PCDHGA1: variants seen among roughly 807,000 people sequenced by gnomAD.
PCDHGA1 encodes protocadherin gamma subfamily A, 1.
Under a neutral mutation model 58.0 loss-of-function variants are expected in PCDHGA1, and 32 were observed. The observed-to-expected ratio is 0.55, with a 90% CI of 0.42 to 0.74. PCDHGA1 has a LOEUF of 0.74. Ranked by LOEUF, PCDHGA1 falls within the 30% of genes least tolerant of loss-of-function variation. The probability of loss-of-function intolerance (pLI) is 0.00; values close to 1 mark genes in which losing one functional copy is unlikely to be tolerated. For synonymous variants in PCDHGA1, 498 were observed against 501.1 expected (o/e 0.99, Z 0.08); for missense variants, 1,205 against 1,182.3 (o/e 1.02, Z -0.28).
intron 1 of PCDHGA1, chr5:141,376,429 G>A (rs1213536945): frequency 1.9e-5 from 31 of 1,614,088 alleles, no homozygotes; most frequent in Non-Finnish European, 2.5e-5. Context: ...TTATCAACCA[G>A]GAGAGCTATG....
At position 141,340,229 on chromosome 5, in the gene PCDHGA1, A is replaced by G. The variant is rs139578724; in HGVS notation, c.2421+7124A>G. Reference sequence around the variant, plus strand: ...CAGGGAACAGTTTTCCTTTTACAACATCACTCTAACCGCTAAAGATGGAGG... The same window carrying G: ...CAGGGAACAGTTTTCCTTTTACAACGTCACTCTAACCGCTAAAGATGGAGG... On this transcript the variant is annotated intron_variant, in intron 1 of 3. Coordinates refer to ENST00000517417, the MANE Select transcript of PCDHGA1 (RefSeq NM_018912.3). The G allele has an allele frequency of 1.2e-4, 195 of 1,614,162 alleles. No homozygotes were observed. The African/African-American group carries it at 2.3e-3, about 19-fold the overall frequency.
In PCDHGA1 at chr5:141,490,679, A is replaced by C; in HGVS notation, c.2422-4128A>C. On this transcript the variant is annotated intron_variant, in intron 1 of 3. Coordinates refer to ENST00000517417, the MANE Select transcript of PCDHGA1 (RefSeq NM_018912.3). The surrounding 1 kb of genome is among the most constrained non-coding windows in gnomAD (Gnocchi z 5.4). ...CTTCTTTGCACTGTGGCTGCCTCAG[A>C]TCCAGACACTGGGGATAATGCCCGC... 6.2e-7 allele frequency: 1 copy of C among 1,614,164 alleles called. No individual in the cohort carries two copies. The highest frequency in any genetic ancestry group is 8.5e-7 in the Non-Finnish European group (1 of 1,180,034).
chr5:141,404,826 A>C lies in PCDHGA1; in HGVS notation c.2421+71721A>C, dbSNP rs771996319. 2.5e-6 allele frequency: 4 copies of C among 1,613,710 alleles called. No individual in the cohort carries two copies. In the South Asian group the frequency reaches 3.3e-5, roughly 13 times the overall value. The stretch of plus-strand genomic sequence containing the variant: ...TTCTCGGTGGGGCTGCACACAGGTG[A>C]AGTGCGCACAGCTCGGGCCCTGCTA... On this transcript the variant is annotated intron_variant, in intron 1 of 3. Transcript: ENST00000517417.
chr5:141,366,112 G>C (rs747040892), intron 1 of PCDHGA1: 1 of 1,614,110 alleles, frequency 6.2e-7, no homozygotes, highest in Non-Finnish European at 8.5e-7. Context: ...TGGTAGCGGT[G>C]GACAAAGATT....
chr5:141,346,662 A>G (rs1757790010), intron 1 of PCDHGA1: 3 of 736,898 alleles, frequency 4.1e-6, no homozygotes, highest in Non-Finnish European at 6.6e-6. Context: ...GGGAAAAAAT[A>G]ATACATCGTG....
At chr5:141,452,781 A>G (rs575869415) in intron 1 of PCDHGA1, among the ~76,000 whole-genome samples, 10 of 152,302 alleles carry the variant, frequency 6.6e-5, no homozygotes, top group African/African-American at 2.4e-4. Flanking sequence ...CTGAGAAAGT[A>G]ACATACCATC....
At position 141,331,228 on chromosome 5, in the gene PCDHGA1, G is replaced by A. The variant is rs1588437305; in HGVS notation, c.544G>A (p.Val182Met). The change falls in exon 1 of 4, where the codon GTG becomes ATG. Residue 182 changes from valine to methionine, a missense_variant. By Grantham distance (21) the Val-to-Met change is conservative. Transcript: ENST00000517417. The stretch of plus-strand genomic sequence containing the variant: ...CTCTAACCCTCATTTCTCCCTGGAT[G>A]TGCAACAGGGAGCCGATGGGCCTCA... ...LSSNPHFSLD[V>M]QQGADGPQHP... is the part of the protein sequence containing the mutation. The A allele has an allele frequency of 1.2e-6, 2 of 1,614,118 alleles. No homozygotes were observed. Among genetic ancestry groups the A allele is most frequent in the South Asian group, 1.1e-5 (1 of 91,074 alleles).
At chr5:141,347,424 C>T (rs1015166008) in intron 1 of PCDHGA1, among the ~76,000 whole-genome samples, 5 of 151,938 alleles carry the variant, frequency 3.3e-5, no homozygotes, top group Non-Finnish European at 7.4e-5. Flanking sequence ...CAAAGTACTG[C>T]GATTAGAGGC....
chr5:141,481,427 T>C lies in PCDHGA1; in HGVS notation c.2422-13380T>C, dbSNP rs79272909. Reference sequence around the variant, plus strand: ...TTGTATAATTAGATTGTGATGATGATTGTATCAGTTTAGTACATGTAAATA... The same window carrying C: ...TTGTATAATTAGATTGTGATGATGACTGTATCAGTTTAGTACATGTAAATA... On this transcript the variant is annotated intron_variant, in intron 1 of 3. Transcript: ENST00000517417. Among the ~76,000 whole-genome samples the C allele has an allele frequency of 6.0e-3, 907 of 152,334 alleles. 5 individuals are homozygous for C. Among genetic ancestry groups the C allele is most frequent in the African/African-American group, 0.02 (840 of 41,578 alleles).
chr5:141,341,633 C>A, intron 1 of PCDHGA1: 2 of 795,380 alleles, frequency 2.5e-6, no homozygotes, highest in Non-Finnish European at 3.9e-6. Flanking sequence ...TAAGATTATC[C>A]AAAGAGCACT....
Position 141,431,706 on chromosome 5 carries a change from A to T in PCDHGA1, c.2422-63101A>T. The T allele has an allele frequency of 6.2e-7, 1 of 1,614,248 alleles. No homozygotes were observed. The highest frequency in any genetic ancestry group is 8.5e-7 in the Non-Finnish European group (1 of 1,180,048). On this transcript the variant is annotated intron_variant, in intron 1 of 3. Coordinates refer to ENST00000517417, the MANE Select transcript of PCDHGA1 (RefSeq NM_018912.3). The surrounding 1 kb of genome is among the most constrained non-coding windows in gnomAD (Gnocchi z 4.8). ...GACCACGAGGAGTCAGGATTCTACC[A>T]GATGGAAGTGCAAGCAATGGATAAT...
chr5:141,384,492 AG>A (rs746302959), intron 1 of PCDHGA1: 2 of 1,614,164 alleles, frequency 1.2e-6, no homozygotes, highest in East Asian at 4.5e-5. Context: ...TACAACTAAG[AG>A]TGACTGCACA....
Position 141,427,801 on chromosome 5 carries a change from G to T in PCDHGA1, c.2422-67006G>T, listed in dbSNP as rs755067099. On this transcript the variant is annotated intron_variant, in intron 1 of 3. Coordinates refer to ENST00000517417, the MANE Select transcript of PCDHGA1 (RefSeq NM_018912.3). ...GCACTGTCGTCCTACGTGTCCGTGA[G>T]CGCACAGAGCGGGGTGGTGGTCGCG... 6 of 1,510,138 alleles carry T rather than the reference G, an allele frequency of 4.0e-6. No homozygotes were observed. In the African/African-American group the frequency reaches 8.2e-5, roughly 21 times the overall value. 93.5% of individuals were successfully genotyped at this position (1,510,138 alleles called of 1,614,324 possible). A position where few individuals can be genotyped will look rare whatever the true frequency, so the allele number is the denominator to read the frequency against.
chr5:141,477,315 C>G lies in PCDHGA1; in HGVS notation c.2422-17492C>G. 2 of 1,614,188 alleles carry G rather than the reference C, an allele frequency of 1.2e-6. No individual in the cohort carries two copies. Among genetic ancestry groups the G allele is most frequent in the African/African-American group, 2.7e-5 (2 of 75,042 alleles). On this transcript the variant is annotated intron_variant, in intron 1 of 3. Coordinates refer to ENST00000517417, the MANE Select transcript of PCDHGA1 (RefSeq NM_018912.3). The surrounding 1 kb of genome is among the most constrained non-coding windows in gnomAD (Gnocchi z 4.9). ...CCACCGGGTCTCCCTTTCAGCCTTA[C>G]TTCTTCCCTCAAGAATTACTTCACT...
At chr5:141,383,425 C>T in intron 1 of PCDHGA1, 1 of 1,613,980 alleles carries the variant, frequency 6.2e-7, no homozygotes, top group Non-Finnish European at 8.5e-7. Context: ...CAGCCCCAAT[C>T]GCCACTTCTC....
intron 1 of PCDHGA1, chr5:141,415,947 C>G: frequency 1.9e-6 from 1 of 532,382 alleles, no homozygotes; most frequent in Non-Finnish European, 2.8e-6. Flanking sequence ...CCTGGGTGGT[C>G]ACATATTGAA....
chr5:141,472,980 C>CAAAAAAAAAAAAAAAAAAAAAAAAAAAA (rs60579131), intron 1 of PCDHGA1, among the ~76,000 whole-genome samples: 1 of 86,106 alleles, frequency 1.2e-5, no homozygotes, highest in Non-Finnish European at 2.5e-5. Flanking sequence ...GAGTGAAACT[C>CAAAAAAAAAAAAAAAAAAAAAAAAAAAA]AAAAAAAAAA....
chr5:141,350,640 C>A (rs1477120980), intron 1 of PCDHGA1: 2 of 1,613,924 alleles, frequency 1.2e-6, no homozygotes, highest in Non-Finnish European at 1.7e-6. Flanking sequence ...AATGACAATG[C>A]ACCACGTTTC....
chr5:141,345,426 A>T (rs758547932), intron 1 of PCDHGA1: 2 of 1,614,002 alleles, frequency 1.2e-6, no homozygotes, highest in Non-Finnish European at 1.7e-6. Flanking sequence ...TCCAGAAAAC[A>T]ACCCCAGAGG....
Sources: gnomAD v4.1 joint callset for allele counts (sites outside exome capture counted in the v4.1 genomes callset) on GRCh38, gnomAD v4.1.1 for gene constraint, Gnocchi (gnomAD v3.1) non-coding constraint, MANE v1.5 for transcripts, NCBI Gene and HGNC (gene_info 2026-07-23, HGNC 2026-07-21) for gene names.